The following HAPLN1 variants were observed in gnomAD, a reference collection of about 807,000 sequenced individuals.
The protein encoded by HAPLN1 is Cartilage link protein.
In HAPLN1, 13 loss-of-function variants were observed where a neutral mutation model predicts 36.5. The observed-to-expected ratio is 0.36, with a 90% confidence interval of 0.23 to 0.57. The LOEUF is 0.57. Ranked by LOEUF, HAPLN1 falls within the 20% of genes least tolerant of loss-of-function variation. The pLI, the probability that HAPLN1 is intolerant of heterozygous loss-of-function variation, is 0.83. For missense variants in HAPLN1, 407 were observed against 439.7 expected (o/e 0.93, Z 0.66); for synonymous variants, 202 against 169.8 (o/e 1.19, Z -1.48).
At chr5:83,697,246 A>G (rs1013092446) in intron 1 of HAPLN1, among the ~76,000 whole-genome samples, 4 of 152,138 alleles carry the variant, frequency 2.6e-5, no homozygotes, top group Non-Finnish European at 5.9e-5. Flanking sequence ...GAATAGGCAA[A>G]TTCATAGAGA....
intron 2 of HAPLN1, among the ~76,000 whole-genome samples, chr5:83,669,920 G>GT (rs935754876): frequency 5.3e-5 from 8 of 152,202 alleles, no homozygotes; most frequent in African/African-American, 1.9e-4. Context: ...GTCTAAGCTA[G>GT]TTAGTGGCAT....
At chr5:83,664,730 A>AT (rs550564989) in intron 2 of HAPLN1, among the ~76,000 whole-genome samples, 4 of 152,272 alleles carry the variant, frequency 2.6e-5, no homozygotes, top group African/African-American at 9.6e-5. Flanking sequence ...GCTTTCATTT[A>AT]TTTATTCAAT....
intron 1 of HAPLN1, among the ~76,000 whole-genome samples, chr5:83,705,814 C>A (rs537619407): frequency 6.6e-6 from 1 of 151,532 alleles, no homozygotes; most frequent in African/African-American, 2.4e-5. Context: ...TTAATAAGAT[C>A]GAAAGACTGC....
intron 4 of HAPLN1, among the ~76,000 whole-genome samples, chr5:83,643,524 A>T (rs1215177350): frequency 1.3e-5 from 2 of 152,116 alleles, no homozygotes; most frequent in Non-Finnish European, 2.9e-5. Flanking sequence ...AGGGCTCTGC[A>T]TTTAGTTTAA....
intron 1 of HAPLN1, among the ~76,000 whole-genome samples, chr5:83,702,371 T>C (rs1273282268): frequency 6.6e-6 from 1 of 152,202 alleles, no homozygotes; most frequent in Admixed American, 6.5e-5. Context: ...CATTAGATAG[T>C]GATAAAGATG....
intron 1 of HAPLN1, among the ~76,000 whole-genome samples, chr5:83,696,549 G>C (rs958969312): frequency 2.6e-5 from 4 of 152,074 alleles, no homozygotes; most frequent in Non-Finnish European, 5.9e-5. Context: ...AATTAAGAGA[G>C]TATGGTATTT....
At chr5:83,690,838 AT>A (rs1751253491) in intron 1 of HAPLN1, among the ~76,000 whole-genome samples, 2 of 152,180 alleles carry the variant, frequency 1.3e-5, no homozygotes, top group South Asian at 4.1e-4. Flanking sequence ...TATCCTGAGT[AT>A]TTTATTAAAA....
chr5:83,690,728 A>T (rs1751249230), intron 1 of HAPLN1, among the ~76,000 whole-genome samples: 1 of 152,092 alleles, frequency 6.6e-6, no homozygotes, highest in African/African-American at 2.4e-5. Flanking sequence ...AATATCTGAC[A>T]TAATTTCAAT....
rs2112553369 is a variant in HAPLN1 at position 83,644,445 on chromosome 5, T to A, written c.693A>T (p.Thr231=). 1.2e-6 allele frequency: 2 copies of A among 1,612,264 alleles called. No homozygotes were observed. Among genetic ancestry groups the A allele is most frequent in the Non-Finnish European group, 1.7e-6 (2 of 1,179,426 alleles). The change falls in exon 4 of 5, where the codon ACA becomes ACT. Residue 231 remains threonine (T), a synonymous_variant. Coordinates refer to ENST00000274341, the MANE Select transcript of HAPLN1 (RefSeq NM_001884.4). ...KPREPCGGQN[T]VPGVRNYGFW... ...ATCCGTAGTTCCTGACTCCGGGCAC[T>A]GTGTTCTGCCCCCCACAGGGCTCTC...
chr5:83,714,026 G>A (rs1751856235), intron 1 of HAPLN1, among the ~76,000 whole-genome samples: 1 of 152,166 alleles, frequency 6.6e-6, no homozygotes, highest in Non-Finnish European at 1.5e-5. Context: ...ACAGAGCTGG[G>A]GAACGGTTTG....
At chr5:83,719,707 GA>G (rs1751982135) in intron 1 of HAPLN1, among the ~76,000 whole-genome samples, 1 of 152,068 alleles carries the variant, frequency 6.6e-6, no homozygotes, top group Non-Finnish European at 1.5e-5. Flanking sequence ...TTAAAATACT[GA>G]AATGACTGAA....
chr5:83,696,293 A>C (rs914561861), intron 1 of HAPLN1, among the ~76,000 whole-genome samples: 2 of 152,134 alleles, frequency 1.3e-5, no homozygotes, highest in African/African-American at 4.8e-5. Context: ...TATTTTCATA[A>C]AACAGGCTCA....
chr5:83,673,403 A>G (rs1165465271), intron 2 of HAPLN1, 21 bp downstream of exon 2: 16 of 1,489,464 alleles, frequency 1.1e-5, no homozygotes, highest in Non-Finnish European at 1.3e-5. Context: ...GGCTTTGATA[A>G]GAGAAGCTGT....
Position 83,640,352 on chromosome 5 carries a change from A to G in HAPLN1, c.*1144T>C, listed in dbSNP as rs578080957. On this transcript the variant is annotated 3_prime_UTR_variant, in exon 5 of 5. Transcript: ENST00000274341. ...TTAAGCCTAATGATGACCAGCAAGG[A>G]AAGTGACATCATTAACCACATTTTC... 6 of 152,286 alleles carry G rather than the reference A, an allele frequency of 3.9e-5. No homozygotes were observed. The South Asian group carries it at 1.2e-3, about 32-fold the overall frequency. 9.4% of individuals were successfully genotyped at this position (152,286 alleles called of 1,614,324 possible).
At chr5:83,654,709 GT>G (rs1750165886) in intron 2 of HAPLN1, among the ~76,000 whole-genome samples, 1 of 152,156 alleles carries the variant, frequency 6.6e-6, no homozygotes, top group African/African-American at 2.4e-5. Flanking sequence ...TATTCTTTCA[GT>G]TGTTTAGTTC....
chr5:83,697,672 C>G (rs1262696637), intron 1 of HAPLN1, among the ~76,000 whole-genome samples: 4 of 152,126 alleles, frequency 2.6e-5, no homozygotes, highest in Admixed American at 6.5e-5. Context: ...TCCAATTTCT[C>G]CACTCTCCAC....
chr5:83,639,422 A>G lies in HAPLN1; in HGVS notation c.*2074T>C, dbSNP rs910089938. 9.2e-5 allele frequency: 14 copies of G among 152,172 alleles called. No individual in the cohort carries two copies. Among genetic ancestry groups the G allele is most frequent in the African/African-American group, 3.4e-4 (14 of 41,576 alleles). 9.4% of individuals were successfully genotyped at this position (152,172 alleles called of 1,614,324 possible). A position where few individuals can be genotyped will look rare whatever the true frequency, so the allele number is the denominator to read the frequency against. Reference sequence around the variant, plus strand: ...AAGAAATACTACTACATTTAACATTATAAAGTAGAGTTCTGGACATAACTG... The same window carrying G: ...AAGAAATACTACTACATTTAACATTGTAAAGTAGAGTTCTGGACATAACTG... On this transcript the variant is annotated 3_prime_UTR_variant, in exon 5 of 5. Coordinates refer to ENST00000274341, the MANE Select transcript of HAPLN1 (RefSeq NM_001884.4).
rs1749578392 is a variant in HAPLN1, at chr5:83,638,362, T to C, written c.*3134A>G. 1 of 152,076 alleles carries C rather than the reference T, an allele frequency of 6.6e-6. No individual in the cohort carries two copies. The highest frequency in any genetic ancestry group is 6.6e-5 in the Admixed American group (1 of 15,256). 9.4% of individuals were successfully genotyped at this position (152,076 alleles called of 1,614,324 possible). On this transcript the variant is annotated 3_prime_UTR_variant, in exon 5 of 5. Transcript: ENST00000274341. Reference sequence around the variant, plus strand: ...GTTTTCTTTTAATCAGGTGGCTTAATAACTTTTGTATTTTTCATCTCTTTC... The same window carrying C: ...GTTTTCTTTTAATCAGGTGGCTTAACAACTTTTGTATTTTTCATCTCTTTC...
intron 3 of HAPLN1, among the ~76,000 whole-genome samples, chr5:83,651,107 G>A (rs1353537423): frequency 6.6e-5 from 10 of 151,920 alleles, no homozygotes. Flanking sequence ...AGTAAATATT[G>A]CATGTGAATT....
Sources: allele counts gnomAD v4.1 joint callset (sites outside exome capture counted in the v4.1 genomes callset), GRCh38; gene constraint gnomAD v4.1.1; transcripts MANE v1.5; gene names NCBI Gene and HGNC (gene_info 2026-07-23, HGNC 2026-07-21).